Variants in PHF21A observed in about 807,000 individuals in gnomAD.
The protein encoded by PHF21A is PHD finger protein 21A.
In PHF21A, 11 loss-of-function variants were observed where a neutral mutation model predicts 82.5. The ratio of observed to expected loss-of-function variants is 0.13; its 90% CI spans 0.08 to 0.22. PHF21A has a LOEUF of 0.22. Among genes scored for constraint, PHF21A ranks in the 10% least tolerant of loss-of-function variants. The pLI is 1.00. For synonymous variants in PHF21A, 297 were observed against 302.8 expected (o/e 0.98, Z 0.20); for missense variants, 579 against 837.8 (o/e 0.69, Z 3.81).
intron 18 of PHF21A, 123 bp downstream of exon 18, chr11:45,935,513 A>T: frequency 1.4e-6 from 1 of 705,600 alleles, no homozygotes; most frequent in Non-Finnish European, 2.5e-6. Flanking sequence ...TGCCCAAGTT[A>T]ATCACGTTAA....
intron 3 of PHF21A, among the ~76,000 whole-genome samples, chr11:46,088,824 C>T (rs557400162): frequency 6.6e-6 from 1 of 152,118 alleles, no homozygotes; most frequent in Non-Finnish European, 1.5e-5. Context: ...CTCAAATTCT[C>T]TAAGGAGGTT....
chr11:46,079,729 AACAAT>A (rs1317391510), intron 4 of PHF21A, among the ~76,000 whole-genome samples: 2 of 152,158 alleles, frequency 1.3e-5, no homozygotes, highest in African/African-American at 4.8e-5. Flanking sequence ...GAAGTGCAGG[AACAAT>A]ACAAAACTCT....
chr11:45,997,290 C>T (rs961642267), intron 6 of PHF21A, among the ~76,000 whole-genome samples: 1 of 152,132 alleles, frequency 6.6e-6, no homozygotes, highest in African/African-American at 2.4e-5. Context: ...TTTTATGACA[C>T]TTATCACTAG....
intron 7 of PHF21A, among the ~76,000 whole-genome samples, chr11:45,973,876 T>C (rs928941530): frequency 6.6e-6 from 1 of 152,260 alleles, no homozygotes; most frequent in Non-Finnish European, 1.5e-5. Flanking sequence ...GAAACGCATG[T>C]TGTTACTGCT....
chr11:46,026,814 C>T (rs935378071), intron 6 of PHF21A: 2 of 152,160 alleles, frequency 1.3e-5, no homozygotes, highest in Admixed American at 6.6e-5. Context: ...GACTCACCCA[C>T]TCAGCAGAGC....
rs372660566 is a variant in PHF21A, at chr11:45,989,407, C to T, written c.154-9441G>A. 9.3e-5 allele frequency among the ~76,000 whole-genome samples: 14 copies of T among 150,188 alleles called. No individual in the cohort carries two copies. The South Asian group carries it at 2.9e-3, about 32-fold the overall frequency. On this transcript the variant is annotated intron_variant, in intron 6 of 18. Coordinates refer to ENST00000676320, the MANE Select transcript of PHF21A (RefSeq NM_001352027.3). The stretch of plus-strand genomic sequence containing the variant: ...CGGTGGCTCATGCCTATAATCCCAG[C>T]ACTTTGGGAGGCCGAAGTGGGCAGA...
intron 6 of PHF21A, chr11:46,049,478 T>C: frequency 2.2e-6 from 1 of 456,060 alleles, no homozygotes; most frequent in Non-Finnish European, 4.4e-6. Flanking sequence ...ATAGAACTGG[T>C]AGAGGGAAAC....
At chr11:45,952,586 T>C (rs1465241771) in intron 11 of PHF21A, among the ~76,000 whole-genome samples, 1 of 152,222 alleles carries the variant, frequency 6.6e-6, no homozygotes, top group African/African-American at 2.4e-5. Flanking sequence ...TACTTCTTTT[T>C]GGCTTAAGTT....
At chr11:46,095,369 C>T (rs1313284326) in intron 1 of PHF21A, among the ~76,000 whole-genome samples, 1 of 152,202 alleles carries the variant, frequency 6.6e-6, no homozygotes, top group Non-Finnish European at 1.5e-5. Context: ...TTCTCACATA[C>T]ATTTCACACT....
At chr11:46,029,170 T>A (rs1381046975) in intron 6 of PHF21A, among the ~76,000 whole-genome samples, 1 of 152,230 alleles carries the variant, frequency 6.6e-6, no homozygotes, top group Admixed American at 6.5e-5. Flanking sequence ...TGTCTCATAA[T>A]CTTTGGTCAA....
At chr11:46,100,444 G>C (rs1024374608) in intron 1 of PHF21A, among the ~76,000 whole-genome samples, 1 of 152,104 alleles carries the variant, frequency 6.6e-6, no homozygotes, top group East Asian at 1.9e-4. Context: ...CCGGTTAAAA[G>C]AATAAGTTTT....
chr11:46,117,734 A>G (rs1490082), intron 1 of PHF21A, among the ~76,000 whole-genome samples: 137,326 of 152,258 alleles, frequency 0.9, 62,099 homozygotes, highest in East Asian at 1. Flanking sequence ...TTTAAAATAC[A>G]TGCTCAACAT....
At position 45,991,653 on chromosome 11, in the gene PHF21A, C is replaced by T. The variant is rs181243894; in HGVS notation, c.154-11687G>A. Among the ~76,000 whole-genome samples the T allele has an allele frequency of 1.3e-3, 202 of 152,236 alleles. 1 individual carries two copies. Among genetic ancestry groups the T allele is most frequent in the African/African-American group, 4.5e-3 (188 of 41,514 alleles). On this transcript the variant is annotated intron_variant, in intron 6 of 18. Transcript: ENST00000676320. Reference sequence around the variant, plus strand: ...GCAGTATTGTGCTGTAAAAATAATACACTGGGTCGAGAAACCTAGGTTCTG... The same window carrying T: ...GCAGTATTGTGCTGTAAAAATAATATACTGGGTCGAGAAACCTAGGTTCTG...
chr11:46,065,785 T>C (rs1007310818), intron 6 of PHF21A, among the ~76,000 whole-genome samples: 2 of 152,144 alleles, frequency 1.3e-5, no homozygotes, highest in Admixed American at 6.5e-5. Flanking sequence ...ATAAAGCGGG[T>C]GTATAAGGGT....
chr11:46,011,165 T>C (rs1565525933), intron 6 of PHF21A, among the ~76,000 whole-genome samples: 2 of 152,136 alleles, frequency 1.3e-5, no homozygotes, highest in South Asian at 4.2e-4. Flanking sequence ...AACTTCACTT[T>C]TTAGCCTGGC....
intron 6 of PHF21A, among the ~76,000 whole-genome samples, chr11:45,991,616 A>G (rs1160242453): frequency 6.6e-6 from 1 of 152,150 alleles, no homozygotes; most frequent in African/African-American, 2.4e-5. Flanking sequence ...TTTAGAAAAA[A>G]TAAGTAGAGA....
intron 6 of PHF21A, among the ~76,000 whole-genome samples, chr11:46,024,206 T>A (rs959628972): frequency 1.3e-5 from 2 of 152,182 alleles, no homozygotes; most frequent in African/African-American, 4.8e-5. Context: ...GATCCAGGCA[T>A]AAATCTACCT....
intron 6 of PHF21A, among the ~76,000 whole-genome samples, chr11:46,026,081 GGAAGT>G (rs2095739551): frequency 6.6e-6 from 1 of 152,176 alleles, no homozygotes; most frequent in Admixed American, 6.6e-5. Context: ...TGGTATCAGA[GGAAGT>G]TGGCTTTCTG....
In PHF21A at chr11:45,991,332, G is replaced by A. The variant is rs184069029; in HGVS notation, c.154-11366C>T. On this transcript the variant is annotated intron_variant, in intron 6 of 18. Transcript: ENST00000676320. ...AATTCTATAACTGTTACATAAAAAC[G>A]AAGTAATAATATCAGATGGATATTA... 5.3e-5 allele frequency among the ~76,000 whole-genome samples: 8 copies of A among 152,214 alleles called. No individual in the cohort carries two copies. In the East Asian group the frequency reaches 7.7e-4, roughly 15 times the overall value.
Sources: gnomAD v4.1 joint callset for allele counts (sites outside exome capture counted in the v4.1 genomes callset) on GRCh38, gnomAD v4.1.1 for gene constraint, MANE v1.5 for transcripts, NCBI Gene and HGNC (gene_info 2026-07-23, HGNC 2026-07-21) for gene names.